The following CACNA2D1 variants were observed in gnomAD, a reference collection of about 807,000 sequenced individuals.
CACNA2D1 encodes voltage-dependent calcium channel subunit alpha-2/delta-1.
In CACNA2D1, 53 loss-of-function variants were observed where a neutral mutation model predicts 171.5. The observed-to-expected ratio is 0.31, with a 90% confidence interval of 0.25 to 0.39. CACNA2D1 has a LOEUF of 0.39. CACNA2D1 is among the 10% of genes least tolerant of loss of function. The pLI, the probability that CACNA2D1 is intolerant of heterozygous loss-of-function variation, is 1.00. For synonymous variants in CACNA2D1, 442 were observed against 443.1 expected, an observed-to-expected ratio of 1.00 and a Z score of 0.03; for missense variants, 903 against 1,299.8, an observed-to-expected ratio of 0.69 and a Z score of 4.69.
intron 10 of CACNA2D1, among the ~76,000 whole-genome samples, chr7:82,043,143 G>T (rs776802411): frequency 1.3e-5 from 2 of 152,162 alleles, no homozygotes; most frequent in Non-Finnish European, 2.9e-5. Context: ...AGAAGTCAGT[G>T]TAAAATGTTA....
chr7:82,224,956 A>T (rs1208385786), intron 3 of CACNA2D1, among the ~76,000 whole-genome samples: 2 of 152,192 alleles, frequency 1.3e-5, no homozygotes, highest in Non-Finnish European at 2.9e-5. Context: ...CTATTTAATG[A>T]TCATGACGTA....
At chr7:82,297,213 G>A (rs1410366437) in intron 3 of CACNA2D1, among the ~76,000 whole-genome samples, 1 of 151,932 alleles carries the variant, frequency 6.6e-6, no homozygotes, top group Non-Finnish European at 1.5e-5. Context: ...TCGTGCCACT[G>A]CACTCCAGCC....
chr7:82,055,151 C>T (rs1342749054), intron 10 of CACNA2D1, among the ~76,000 whole-genome samples: 2 of 152,150 alleles, frequency 1.3e-5, no homozygotes, highest in Admixed American at 6.5e-5. Context: ...AAAGTCAGAA[C>T]ATCAATAGGC....
chr7:82,357,975 C>T (rs1820654207), intron 1 of CACNA2D1, among the ~76,000 whole-genome samples: 1 of 151,940 alleles, frequency 6.6e-6, no homozygotes, highest in Non-Finnish European at 1.5e-5. Flanking sequence ...CTGCTTTTTG[C>T]CACTATTTTT....
intron 4 of CACNA2D1, among the ~76,000 whole-genome samples, chr7:82,156,059 T>C (rs903044298): frequency 2.6e-5 from 4 of 152,210 alleles, no homozygotes. Context: ...TGAATTTTTA[T>C]ATCACCATAA....
intron 3 of CACNA2D1, among the ~76,000 whole-genome samples, chr7:82,259,086 C>T (rs1470166648): frequency 6.6e-6 from 1 of 152,078 alleles, no homozygotes; most frequent in Non-Finnish European, 1.5e-5. Flanking sequence ...AATGGCCTCC[C>T]AAAGTGCTGG....
At position 82,443,432 on chromosome 7, in the gene CACNA2D1, T is replaced by A; in HGVS notation, c.28A>T (p.Thr10Ser). 1.2e-6 allele frequency: 2 copies of A among 1,607,382 alleles called. No homozygotes were observed. Among genetic ancestry groups the A allele is most frequent in the Non-Finnish European group, 1.7e-6 (2 of 1,176,644 alleles). Residue 10 changes from threonine to serine, a missense_variant, in exon 1 of 39, where the codon ACT (threonine) becomes TCT (serine). By Grantham distance (58) the Thr-to-Ser change is moderately conservative. Around this residue, in one of 5 missense-constraint regions of CACNA2D1, gnomAD observed 41 missense variants for 27.6 expected, o/e 1.49. Coordinates refer to ENST00000356860, the MANE Select transcript of CACNA2D1 (RefSeq NM_000722.4). ...AGCAAAGATTGGAAAAGTGTCAGAG[T>A]CAAGGCCAGCAGGCAGCCAGCAGCC... MAAGCLLAL[T>S]LTLFQSLLIG...
At chr7:82,276,735 C>CCTTTTT (rs1000828824) in intron 3 of CACNA2D1, among the ~76,000 whole-genome samples, 6 of 150,154 alleles carry the variant, frequency 4.0e-5, no homozygotes, top group Non-Finnish European at 5.9e-5. Flanking sequence ...TCCATCTCTC[C>CCTTTTT]CTTTTTCTTT....
chr7:82,273,212 T>C (rs1808867576), intron 3 of CACNA2D1, among the ~76,000 whole-genome samples: 1 of 152,058 alleles, frequency 6.6e-6, no homozygotes. Context: ...AGATGGATAA[T>C]CTGGCAAGCT....
At chr7:82,210,331 A>G (rs1800430678) in intron 3 of CACNA2D1, among the ~76,000 whole-genome samples, 1 of 152,170 alleles carries the variant, frequency 6.6e-6, no homozygotes, top group Admixed American at 6.6e-5. Flanking sequence ...GTATTGGAAA[A>G]TGTCACTTTC....
chr7:82,310,250 C>A (rs1814260179), intron 3 of CACNA2D1, among the ~76,000 whole-genome samples: 2 of 151,538 alleles, frequency 1.3e-5, no homozygotes, highest in African/African-American at 2.4e-5. Flanking sequence ...ATAATTAAAT[C>A]TATTAAATAA....
Position 82,024,137 on chromosome 7 carries a change from C to G in CACNA2D1, c.1143+8660G>C, listed in dbSNP as rs537640059. On this transcript the variant is annotated intron_variant, in intron 12 of 38. Coordinates refer to ENST00000356860, the MANE Select transcript of CACNA2D1 (RefSeq NM_000722.4). ...GAATATAGAAGTACTCTTCAAGATC[C>G]TAACTTCAGTTTTTTTTTTGGATAA... Among the ~76,000 whole-genome samples, 3 of 151,572 alleles carry G rather than the reference C, an allele frequency of 2.0e-5. No individual in the cohort carries two copies. In the South Asian group the frequency reaches 6.2e-4, roughly 31 times the overall value.
chr7:81,981,788 TGAAG>T (rs1796465073), intron 24 of CACNA2D1, among the ~76,000 whole-genome samples: 1 of 152,062 alleles, frequency 6.6e-6, no homozygotes, highest in Admixed American at 6.6e-5. Flanking sequence ...ACATGCGTGA[TGAAG>T]GGAGATTATA....
intron 4 of CACNA2D1, among the ~76,000 whole-genome samples, chr7:82,146,302 A>C (rs1793037861): frequency 7.0e-6 from 1 of 142,336 alleles, no homozygotes; most frequent in Admixed American, 7.3e-5. Context: ...TCTTCTACAT[A>C]TATATATACG....
intron 12 of CACNA2D1, among the ~76,000 whole-genome samples, chr7:82,022,222 AACACACACAC>A (rs71520795): frequency 1.4e-5 from 2 of 145,786 alleles, no homozygotes; most frequent in East Asian, 2.0e-4. Context: ...CAGAGACAAG[AACACACACAC>A]ACACACACAC....
chr7:82,072,871 G>A (rs143337293), intron 7 of CACNA2D1, among the ~76,000 whole-genome samples: 1 of 151,944 alleles, frequency 6.6e-6, no homozygotes, highest in African/African-American at 2.4e-5. Context: ...TAAACACTTA[G>A]AACCATAGTT....
chr7:82,140,563 T>C (rs1030803315), intron 4 of CACNA2D1, among the ~76,000 whole-genome samples: 5 of 152,180 alleles, frequency 3.3e-5, no homozygotes, highest in African/African-American at 1.2e-4. Flanking sequence ...CTCTATGGAA[T>C]ATGACCTTAA....
chr7:82,354,722 C>A (rs144487828), intron 1 of CACNA2D1, among the ~76,000 whole-genome samples: 1 of 151,992 alleles, frequency 6.6e-6, no homozygotes, highest in Admixed American at 6.6e-5. Context: ...CAGTTTCCAC[C>A]GGTACTAGTC....
intron 12 of CACNA2D1, among the ~76,000 whole-genome samples, chr7:82,023,328 T>G (rs1163556540): frequency 6.6e-6 from 1 of 151,886 alleles, no homozygotes; most frequent in East Asian, 1.9e-4. Context: ...ATCAGGTAGA[T>G]TAATTCCCAA....
Sources: allele counts gnomAD v4.1 joint callset (sites outside exome capture counted in the v4.1 genomes callset), GRCh38; gene constraint gnomAD v4.1.1; regional missense constraint gnomAD v4.1.1; transcripts MANE v1.5; gene names NCBI Gene and HGNC (gene_info 2026-07-23, HGNC 2026-07-21).